Variants in VASH2 observed in about 807,000 individuals in gnomAD.
VASH2 encodes vasohibin 2.
Under a neutral mutation model 37.2 loss-of-function variants are expected in VASH2, and 28 were observed. The ratio of observed to expected loss-of-function variants is 0.75; its 90% CI spans 0.56 to 1.03. VASH2 has a LOEUF of 1.03. Ranked by LOEUF, VASH2 falls within the 50% of genes least tolerant of loss-of-function variation. VASH2 has a pLI of 0.00. For synonymous variants in VASH2, 188 were observed against 174.7 expected (o/e 1.08, Z -0.60); for missense variants, 419 against 459.1 (o/e 0.91, Z 0.80).
chr1:212,982,064 C>T (rs1558152360), intron 7 of VASH2, among the ~76,000 whole-genome samples: 1 of 152,208 alleles, frequency 6.6e-6, no homozygotes, highest in Non-Finnish European at 1.5e-5. Flanking sequence ...CTCTGTGGAA[C>T]CACCACCCTG....
At chr1:212,960,106 G>A (rs939309566) in intron 2 of VASH2, among the ~76,000 whole-genome samples, 4 of 152,218 alleles carry the variant, frequency 2.6e-5, no homozygotes, top group African/African-American at 7.2e-5. Flanking sequence ...GCAGCGACTT[G>A]ATTGGACGTC....
chr1:212,983,961 C>T (rs1275417881), intron 7 of VASH2, among the ~76,000 whole-genome samples: 1 of 152,226 alleles, frequency 6.6e-6, no homozygotes, highest in Non-Finnish European at 1.5e-5. Flanking sequence ...CCCTACCTTT[C>T]AGTACCTCCA....
At chr1:212,984,560 G>A (rs1353863607) in intron 7 of VASH2, among the ~76,000 whole-genome samples, 1 of 152,202 alleles carries the variant, frequency 6.6e-6, no homozygotes, top group East Asian at 1.9e-4. Context: ...TGAAGCTAGT[G>A]TCTTATTTTC....
At chr1:212,969,235 C>T in intron 5 of VASH2, 1 of 977,236 alleles carries the variant, frequency 1.0e-6, no homozygotes, top group Non-Finnish European at 1.2e-6. Context: ...GTCTGTCGCC[C>T]AAGCTGGAGT....
At position 212,951,561 on chromosome 1, in the gene VASH2, G is replaced by T. The variant is rs1666306570; in HGVS notation, c.19G>T (p.Asp7Tyr). 1.3e-6 allele frequency: 2 copies of T among 1,528,618 alleles called. No homozygotes were observed. The highest frequency in any genetic ancestry group is 8.8e-7 in the Non-Finnish European group (1 of 1,137,220). 94.7% of individuals were successfully genotyped at this position (1,528,618 alleles called of 1,614,324 possible). A position where few individuals can be genotyped will look rare whatever the true frequency, so the allele number is the denominator to read the frequency against. The change falls in exon 2 of 8, where the codon GAC (aspartate) becomes TAC (tyrosine). Residue 7 changes from aspartate (D) to tyrosine (Y), a missense_variant. Coordinates refer to ENST00000517399, the MANE Select transcript of VASH2 (RefSeq NM_001301056.2). This position sits in a 1 kb window ranked among gnomAD's most constrained non-coding sequence, Gnocchi z 4.4. ...CCCCACCATGACCGGCTCCGCGGCC[G>T]ACACTCACCGCTGCCCCCACCCCAA... The part of the protein sequence containing the change: MTGSAA[D>Y]THRCPHPKGA...
At chr1:212,952,545 C>T (rs1214591424) in intron 2 of VASH2, 1 of 152,266 alleles carries the variant, frequency 6.6e-6, no homozygotes, top group African/African-American at 2.4e-5. Context: ...GAGTGAAACT[C>T]TCTTTTTGCC....
Position 212,951,782 on chromosome 1 carries a change from G to T in VASH2, c.240G>T (p.Met80Ile). The change falls in exon 2 of 8, where the codon ATG becomes ATT. Residue 80 changes from methionine (M) to isoleucine (I), a missense_variant. This residue lies in a region of VASH2 where 158 missense variants were observed against 163.0 expected (regional missense o/e 0.97). Transcript: ENST00000517399. The surrounding 1 kb of genome is among the most constrained non-coding windows in gnomAD (Gnocchi z 4.4). ...VAKVHPKGGE[M>I]VGAIRNAAFL... ...AGGTGCACCCTAAGGGGGGAGAAAT[G>T]GTGGGCGCCATCAGGAACGCCGCCT... 1 of 1,608,418 alleles carries T rather than the reference G, an allele frequency of 6.2e-7. No homozygotes were observed.
At chr1:212,980,587 C>T (rs1478784900) in intron 7 of VASH2, among the ~76,000 whole-genome samples, 1 of 152,192 alleles carries the variant, frequency 6.6e-6, no homozygotes, top group Non-Finnish European at 1.5e-5. Flanking sequence ...GGGCCTTGAG[C>T]TGGACAATGG....
intron 7 of VASH2, among the ~76,000 whole-genome samples, chr1:212,980,790 T>C (rs188169148): frequency 6.6e-6 from 1 of 152,236 alleles, no homozygotes; most frequent in Admixed American, 6.5e-5. Flanking sequence ...GAGATTTCCT[T>C]AGGGTGGAAA....
Position 212,971,895 on chromosome 1 carries a change from T to C in VASH2, c.498-685T>C, listed in dbSNP as rs1377897719. On this transcript the variant is annotated intron_variant, in intron 5 of 7. Transcript: ENST00000517399. The surrounding 1 kb of genome is among the most constrained non-coding windows in gnomAD (Gnocchi z 4.0). ...GCCCATCTGTGTACCAGGCCAGTGC[T>C]GTGCCCAGGGAATGCCAGGATGTGA... Among the ~76,000 whole-genome samples, 1 of 152,120 alleles carries C rather than the reference T, an allele frequency of 6.6e-6. No individual in the cohort carries two copies.
Position 212,967,406 on chromosome 1 carries a change from C to A in VASH2, c.497+1061C>A, listed in dbSNP as rs184225374. The A allele has an allele frequency of 3.4e-6, 4 of 1,191,468 alleles. No individual in the cohort carries two copies. The South Asian group carries it at 6.2e-5, about 19-fold the overall frequency. 73.8% of individuals were successfully genotyped at this position (1,191,468 alleles called of 1,614,324 possible). Reference sequence around the variant, plus strand: ...ATCAGATAGAAGAGCAAAGATGCTCCGAAGTCCTATGGGATGGATGGCTGT... The same window carrying A: ...ATCAGATAGAAGAGCAAAGATGCTCAGAAGTCCTATGGGATGGATGGCTGT... On this transcript the variant is annotated intron_variant, in intron 5 of 7. Coordinates refer to ENST00000517399, the MANE Select transcript of VASH2 (RefSeq NM_001301056.2).
chr1:212,986,259 A>T (rs940909418), intron 7 of VASH2, among the ~76,000 whole-genome samples: 1 of 152,162 alleles, frequency 6.6e-6, no homozygotes, highest in African/African-American at 2.4e-5. Context: ...GGCAAATTGA[A>T]TTTTTGATTG....
chr1:212,973,551 C>T, intron 6 of VASH2: 1 of 1,285,554 alleles, frequency 7.8e-7, no homozygotes, highest in Non-Finnish European at 1.0e-6. Flanking sequence ...TAAAACCATT[C>T]TGTCATATGT....
At chr1:212,987,373 CGA>C (rs755915588) in intron 7 of VASH2, among the ~76,000 whole-genome samples, 5 of 151,298 alleles carry the variant, frequency 3.3e-5, no homozygotes, top group African/African-American at 7.3e-5. Context: ...GTCAGGAGTT[CGA>C]GACCAGCCTG....
chr1:212,983,904 T>C (rs933073166), intron 7 of VASH2, among the ~76,000 whole-genome samples: 3 of 152,198 alleles, frequency 2.0e-5, no homozygotes, highest in African/African-American at 7.2e-5. Flanking sequence ...GGGGACCAAC[T>C]CTGGCTCCAA....
In VASH2 at chr1:212,973,975, C is replaced by T. The variant is rs750968700; in HGVS notation, c.900C>T (p.Ala300=). Reference sequence around the variant, plus strand: ...TTCAGATCCTGAAACCTGCAAGTGCCCACTCTCCGACCCAAGTGAGAAGCC... The same window carrying T: ...TTCAGATCCTGAAACCTGCAAGTGCTCACTCTCCGACCCAAGTGAGAAGCC... ...MRMKILKPAS[A]HSPTQVRSRG... Residue 300 remains alanine (A), a synonymous_variant, in exon 7 of 8, where the codon GCC becomes GCT. Coordinates refer to ENST00000517399, the MANE Select transcript of VASH2 (RefSeq NM_001301056.2). The T allele has an allele frequency of 1.9e-6, 3 of 1,613,724 alleles. No individual in the cohort carries two copies. In the Admixed American group the frequency reaches 5.0e-5, roughly 27 times the overall value.
intron 7 of VASH2, 149 bp downstream of exon 7, chr1:212,974,219 C>T (rs1267511579): frequency 9.2e-7 from 1 of 1,086,656 alleles, no homozygotes; most frequent in Admixed American, 3.1e-5. Flanking sequence ...CAGGGGACAT[C>T]TGTGGAAAAG....
rs1343868616 is a variant in VASH2, at chr1:212,989,243, G to A, written c.*659G>A. ...TCTGGCAATACAAGAACCATTTTCA[G>A]GATCTTGGAGTTACTTCCTTCTTAA... On this transcript the variant is annotated 3_prime_UTR_variant, in exon 8 of 8. Coordinates refer to ENST00000517399, the MANE Select transcript of VASH2 (RefSeq NM_001301056.2). 6.6e-6 allele frequency: 1 copy of A among 152,384 alleles called. No individual in the cohort carries two copies. The highest frequency in any genetic ancestry group is 1.5e-5 in the Non-Finnish European group (1 of 68,048). 9.4% of individuals were successfully genotyped at this position (152,384 alleles called of 1,614,324 possible).
intron 2 of VASH2, among the ~76,000 whole-genome samples, chr1:212,952,155 C>A (rs1666334574): frequency 6.6e-6 from 1 of 152,186 alleles, no homozygotes; most frequent in Admixed American, 6.5e-5. Flanking sequence ...CAGGTACCAG[C>A]GATGCCAAAG....
Sources: allele counts gnomAD v4.1 joint callset (sites outside exome capture counted in the v4.1 genomes callset), GRCh38; gene constraint gnomAD v4.1.1; regional missense constraint gnomAD v4.1.1; non-coding constraint Gnocchi (gnomAD v3.1); transcripts MANE v1.5; gene names NCBI Gene and HGNC (gene_info 2026-07-23, HGNC 2026-07-21).